PHF24: variants seen among roughly 807,000 people sequenced by gnomAD.
PHF24 encodes PHD finger protein 24, also known as Galpha inhibitory interacting protein.
PHF24 carries 25 observed loss-of-function variants against 42.6 expected under a neutral mutation model. The observed-to-expected ratio is 0.59, with a 90% CI of 0.43 to 0.82. The LOEUF (loss-of-function observed/expected upper bound fraction) is 0.82. Ranked by LOEUF, PHF24 falls within the 40% of genes least tolerant of loss-of-function variation. The pLI, the probability that PHF24 is intolerant of heterozygous loss-of-function variation, is 0.00. For synonymous variants in PHF24, 185 were observed against 204.8 expected, an observed-to-expected ratio of 0.90 and a Z score of 0.83; for missense variants, 470 against 538.1, an observed-to-expected ratio of 0.87 and a Z score of 1.25.
the PHF24 span, among the ~76,000 whole-genome samples, chr9:34,899,270 A>G: frequency 6.6e-6 from 1 of 152,174 alleles, no homozygotes; most frequent in Admixed American, 6.5e-5. Context: ...ATTATTCTTC[A>G]TTTGTTTCTA....
the PHF24 span, chr9:34,838,579 C>T: frequency 4.8e-6 from 4 of 829,474 alleles, no homozygotes; most frequent in Non-Finnish European, 7.6e-6. Flanking sequence ...AGTGCTAGGC[C>T]TTGTCATATC....
chr9:34,847,788 T>G, the PHF24 span, among the ~76,000 whole-genome samples: 2 of 151,994 alleles, frequency 1.3e-5, no homozygotes, highest in South Asian at 2.1e-4. Flanking sequence ...AATACCTAAT[T>G]TATTGAGAGT....
the PHF24 span, among the ~76,000 whole-genome samples, chr9:34,847,032 G>A: frequency 2.1e-4 from 32 of 152,252 alleles, no homozygotes; most frequent in African/African-American, 5.5e-4. Context: ...GTCAGGTAGC[G>A]TGATGCCTCC....
At chr9:34,669,004 C>T in the PHF24 span, among the ~76,000 whole-genome samples, 7 of 152,274 alleles carry the variant, frequency 4.6e-5, no homozygotes, top group East Asian at 1.2e-3. Flanking sequence ...TGATCAAAGA[C>T]CCCAAAAAAT....
chr9:34,767,518 A>T, the PHF24 span, among the ~76,000 whole-genome samples: 1 of 152,200 alleles, frequency 6.6e-6, no homozygotes, highest in Admixed American at 6.5e-5. Context: ...CAGGTGCGGG[A>T]TATAGTCTTC....
chr9:34,957,543 C>G (rs13297151), upstream of PHF24: 22,566 of 152,246 alleles, frequency 0.15, 2,330 homozygotes, highest in Non-Finnish European at 0.22. Context: ...GATGAGGTTG[C>G]TGCAGCAAAA....
the PHF24 span, among the ~76,000 whole-genome samples, chr9:34,828,014 A>G: frequency 6.6e-6 from 1 of 151,634 alleles, no homozygotes; most frequent in Non-Finnish European, 1.5e-5. Flanking sequence ...CTGCCCACCT[A>G]CACACTCACA....
chr9:34,911,656 A>T, the PHF24 span, among the ~76,000 whole-genome samples: 1 of 152,042 alleles, frequency 6.6e-6, no homozygotes, highest in Non-Finnish European at 1.5e-5. Flanking sequence ...AAATTTTCCA[A>T]ATTTCAGTTA....
At chr9:34,954,027 G>T (rs1342115653), upstream of PHF24, among the ~76,000 whole-genome samples, 1 of 152,140 alleles carries the variant, frequency 6.6e-6, no homozygotes, top group Non-Finnish European at 1.5e-5. Flanking sequence ...AGGGATAGAA[G>T]AGATGGGCAC....
At chr9:34,967,338 T>C (rs1406070181) in intron 1 of PHF24, among the ~76,000 whole-genome samples, 1 of 152,208 alleles carries the variant, frequency 6.6e-6, no homozygotes, top group Admixed American at 6.5e-5. Flanking sequence ...TTTAATGAAA[T>C]AGGATAGAAA....
the PHF24 span, among the ~76,000 whole-genome samples, chr9:34,717,061 G>A: frequency 6.6e-6 from 1 of 152,246 alleles, no homozygotes; most frequent in East Asian, 1.9e-4. Context: ...GATCCAGCTA[G>A]AGGAGGGAGG....
At chr9:34,959,309 AGTACG>A (rs1826508190) in intron 1 of PHF24, among the ~76,000 whole-genome samples, 1 of 152,216 alleles carries the variant, frequency 6.6e-6, no homozygotes. Context: ...GTTGAGCACC[AGTACG>A]CTAGGCAGTA....
the PHF24 span, among the ~76,000 whole-genome samples, chr9:34,844,238 A>G: frequency 1.3e-5 from 2 of 152,038 alleles, no homozygotes; most frequent in East Asian, 3.8e-4. Context: ...TCAAATAACC[A>G]ACTCTTCCTT....
At chr9:34,708,998 C>A in the PHF24 span, 153 of 203,362 alleles carry the variant, frequency 7.5e-4, no homozygotes, top group Middle Eastern at 1.7e-3. Flanking sequence ...CACATGGGAA[C>A]AGGTACTTGG....
At chr9:34,875,937 C>A in the PHF24 span, among the ~76,000 whole-genome samples, 3 of 86,428 alleles carry the variant, frequency 3.5e-5, no homozygotes, top group East Asian at 9.5e-4. Flanking sequence ...CACACACACA[C>A]ACACACACAC....
At chr9:34,908,851 T>C in the PHF24 span, among the ~76,000 whole-genome samples, 481 of 148,708 alleles carry the variant, frequency 3.2e-3, 5 homozygotes, top group African/African-American at 0.011. Context: ...TCTTTTTTTT[T>C]TTTTTTCTTT....
chr9:34,958,777 C>T lies in PHF24; in HGVS notation c.-5+376C>T, dbSNP rs1335875916. On this transcript the variant is annotated intron_variant, in intron 1 of 7. Transcript: ENST00000242315. This position sits in a 1 kb window ranked among gnomAD's most constrained non-coding sequence, Gnocchi z 4.5. ...AAGACCACCTGGGAACATAGGGGAGCCGCAGGAACCTCGAGGTGGTGGAGC... is the reference window on the plus strand; with the variant it reads ...AAGACCACCTGGGAACATAGGGGAGTCGCAGGAACCTCGAGGTGGTGGAGC... Among the ~76,000 whole-genome samples, 2 of 152,140 alleles carry T rather than the reference C, an allele frequency of 1.3e-5. No homozygotes were observed. Among genetic ancestry groups the T allele is most frequent in the Non-Finnish European group, 1.5e-5 (1 of 68,002 alleles).
At chr9:34,828,941 A>ATATCTATATCTATATCTATATCTATATC in the PHF24 span, among the ~76,000 whole-genome samples, 2 of 151,982 alleles carry the variant, frequency 1.3e-5, no homozygotes, top group African/African-American at 4.8e-5. Context: ...ATCTATATCT[A>ATATCTATATCTATATCTATATCTATATC]TATCTATGTC....
At chr9:34,839,099 G>A in the PHF24 span, among the ~76,000 whole-genome samples, 1 of 152,278 alleles carries the variant, frequency 6.6e-6, no homozygotes, top group East Asian at 1.9e-4. Flanking sequence ...CAGTCTGTGT[G>A]GCCTCAAGCT....
Sources: gnomAD v4.1 joint callset for allele counts (sites outside exome capture counted in the v4.1 genomes callset) on GRCh38, gnomAD v4.1.1 for gene constraint, Gnocchi (gnomAD v3.1) non-coding constraint, MANE v1.5 for transcripts, NCBI Gene and HGNC (gene_info 2026-07-23, HGNC 2026-07-21) for gene names.